PIGL: variants seen among roughly 807,000 people sequenced by gnomAD.
PIGL encodes N-acetylglucosaminyl-phosphatidylinositol de-N-acetylase.
A neutral mutation model predicts 31.1 loss-of-function variants in PIGL; 22 were observed. The observed-to-expected ratio is 0.71, with a 90% CI of 0.51 to 1.01. The LOEUF is 1.01. PIGL is among the 50% of genes least tolerant of loss of function. The probability of loss-of-function intolerance (pLI) is 0.00; values close to 1 mark genes in which losing one functional copy is unlikely to be tolerated. For synonymous variants in PIGL, 131 were observed against 117.4 expected, an observed-to-expected ratio of 1.12 and a Z score of -0.75; for missense variants, 302 against 315.9, an observed-to-expected ratio of 0.96 and a Z score of 0.33.
At chr17:16,266,349 A>G (rs917725328) in intron 2 of PIGL, among the ~76,000 whole-genome samples, 3 of 135,188 alleles carry the variant, frequency 2.2e-5, no homozygotes, top group African/African-American at 8.2e-5. Flanking sequence ...AGATCGCGCC[A>G]TTGCACTCCA....
intron 6 of PIGL, among the ~76,000 whole-genome samples, chr17:16,322,474 C>T (rs1259709690): frequency 1.3e-5 from 2 of 152,176 alleles, no homozygotes; most frequent in East Asian, 1.9e-4. Flanking sequence ...TACTTTAATA[C>T]TATTAATTTT....
intron 2 of PIGL, among the ~76,000 whole-genome samples, chr17:16,244,381 G>C (rs1292118768): frequency 6.6e-6 from 1 of 152,244 alleles, no homozygotes; most frequent in Non-Finnish European, 1.5e-5. Flanking sequence ...GATGGAGTCA[G>C]TTAAGTTAGA....
intron 2 of PIGL, among the ~76,000 whole-genome samples, chr17:16,248,577 A>G (rs1159126272): frequency 6.6e-6 from 1 of 152,170 alleles, no homozygotes; most frequent in Non-Finnish European, 1.5e-5. Flanking sequence ...CTCTGAGAAG[A>G]TGGAGGTTTT....
At chr17:16,246,341 G>A (rs1305058155) in intron 2 of PIGL, among the ~76,000 whole-genome samples, 7 of 151,050 alleles carry the variant, frequency 4.6e-5, no homozygotes, top group Admixed American at 6.6e-5. Context: ...GTGAAACCCC[G>A]TCTCTACTAA....
chr17:16,291,375 C>T (rs941489201), intron 2 of PIGL, among the ~76,000 whole-genome samples: 3 of 149,422 alleles, frequency 2.0e-5, no homozygotes, highest in African/African-American at 7.6e-5. Flanking sequence ...AGCGTGGTGG[C>T]GGGCACCTGT....
intron 2 of PIGL, among the ~76,000 whole-genome samples, chr17:16,291,521 A>G (rs199558141): frequency 1.1e-4 from 15 of 140,212 alleles, no homozygotes; most frequent in East Asian, 4.4e-4. Flanking sequence ...AAAAAAAAAA[A>G]AAAGAAAGAA....
chr17:16,231,406 T>A (rs911056013), intron 1 of PIGL, among the ~76,000 whole-genome samples: 2 of 151,736 alleles, frequency 1.3e-5, no homozygotes, highest in African/African-American at 4.8e-5. Flanking sequence ...AGCTAATTTT[T>A]AAAATTTTTC....
At chr17:16,312,461 C>G in intron 3 of PIGL, 1 of 158,006 alleles carries the variant, frequency 6.3e-6, no homozygotes, top group South Asian at 1.6e-4. Context: ...AGAGGGGCTC[C>G]TCACATCCCA....
At chr17:16,259,624 C>A (rs1250662876) in intron 2 of PIGL, among the ~76,000 whole-genome samples, 1 of 152,164 alleles carries the variant, frequency 6.6e-6, no homozygotes, top group Non-Finnish European at 1.5e-5. Flanking sequence ...CTATAAAATT[C>A]TTAAAAGAAA....
chr17:16,224,792 G>A (rs1380590251), intron 1 of PIGL, among the ~76,000 whole-genome samples: 1 of 152,160 alleles, frequency 6.6e-6, no homozygotes, highest in Admixed American at 6.5e-5. Context: ...AAATAGCTGG[G>A]ACTACGGGCA....
intron 2 of PIGL, among the ~76,000 whole-genome samples, chr17:16,246,452 C>T: frequency 6.6e-6 from 1 of 150,874 alleles, no homozygotes; most frequent in African/African-American, 2.4e-5. Context: ...GCGGAGGTTG[C>T]ACTGAGCCGA....
intron 2 of PIGL, among the ~76,000 whole-genome samples, chr17:16,236,241 G>A (rs2092699298): frequency 6.6e-6 from 1 of 152,156 alleles, no homozygotes; most frequent in Non-Finnish European, 1.5e-5. Flanking sequence ...TTCTTGAATG[G>A]GAGGACACCT....
chr17:16,241,781 A>C (rs1047235154), intron 2 of PIGL, among the ~76,000 whole-genome samples: 1 of 152,184 alleles, frequency 6.6e-6, no homozygotes, highest in African/African-American at 2.4e-5. Context: ...CAAATGGTAT[A>C]AGAAATTTGG....
In PIGL at chr17:16,317,904, C is replaced by T; in HGVS notation, c.656C>T (p.Ala219Val). The T allele has an allele frequency of 6.2e-7, 1 of 1,612,366 alleles. No homozygotes were observed. The highest frequency in any genetic ancestry group is 1.1e-5 in the South Asian group (1 of 91,056). ...FVLNSKEVAQAKKAMSCHRSQ... is the reference protein window; with the variant it reads ...FVLNSKEVAQVKKAMSCHRSQ... Reference sequence around the variant, plus strand: ...CTCAACAGCAAAGAAGTGGCACAGGCCAAGGTGAGGATTGTAAATTCCTGG... The same window carrying T: ...CTCAACAGCAAAGAAGTGGCACAGGTCAAGGTGAGGATTGTAAATTCCTGG... Residue 219 changes from alanine (A) to valine (V), a missense_variant, in exon 6 of 7, where the codon GCC becomes GTC. Transcript: ENST00000225609.
chr17:16,262,848 G>A (rs1303586391), intron 2 of PIGL, among the ~76,000 whole-genome samples: 1 of 152,126 alleles, frequency 6.6e-6, no homozygotes, highest in Non-Finnish European at 1.5e-5. Flanking sequence ...TAAACAAAAT[G>A]TAGTATGTTA....
intron 2 of PIGL, among the ~76,000 whole-genome samples, chr17:16,243,843 A>G (rs993450725): frequency 6.6e-6 from 1 of 152,240 alleles, no homozygotes; most frequent in Non-Finnish European, 1.5e-5. Context: ...GAGAGCTGCA[A>G]TGGTGAAAGA....
chr17:16,270,790 G>A (rs1431751005), intron 2 of PIGL, among the ~76,000 whole-genome samples: 4 of 151,762 alleles, frequency 2.6e-5, no homozygotes, highest in East Asian at 1.9e-4. Context: ...CCAGCTACTC[G>A]GGAGGCTGAG....
rs2093064226 is a variant in PIGL at position 16,313,621 on chromosome 17, T to G, written c.494+7T>G. ...CTCTGTATGCAGCTGTGAGGTATGATTCTCCGGGTGATGGATGTGGGGGAG... is the reference window on the plus strand; with the variant it reads ...CTCTGTATGCAGCTGTGAGGTATGAGTCTCCGGGTGATGGATGTGGGGGAG... On this transcript the variant is annotated splice_region_variant and intron_variant, in intron 4 of 6. Transcript: ENST00000225609. The G allele has an allele frequency of 2.5e-6, 4 of 1,606,752 alleles. No individual in the cohort carries two copies. Among genetic ancestry groups the G allele is most frequent in the Admixed American group, 1.7e-5 (1 of 60,010 alleles).
In PIGL at chr17:16,224,164, A is replaced by G. The variant is rs564076847; in HGVS notation, c.235+6703A>G. ...TGGGAGGCGGAGGTTGCAGTGAGCC[A>G]AGATTGCGCCACTGCACTCCAGCCT... On this transcript the variant is annotated intron_variant, in intron 1 of 6. Transcript: ENST00000225609. Among the ~76,000 whole-genome samples, 144 of 151,804 alleles carry G rather than the reference A, an allele frequency of 9.5e-4. 1 individual carries two copies. Among genetic ancestry groups the G allele is most frequent in the Non-Finnish European group, 2.4e-4 (16 of 67,942 alleles).
Sources: gnomAD v4.1 joint callset for allele counts (sites outside exome capture counted in the v4.1 genomes callset) on GRCh38, gnomAD v4.1.1 for gene constraint, MANE v1.5 for transcripts, NCBI Gene and HGNC (gene_info 2026-07-23, HGNC 2026-07-21) for gene names.